The following AQR variants were observed in gnomAD, a reference collection of about 807,000 sequenced individuals.
AQR encodes aquarius intron-binding spliceosomal factor, also known as RNA helicase aquarius.
In AQR, 61 loss-of-function variants were observed where a neutral mutation model predicts 180.5. The ratio of observed to expected loss-of-function variants is 0.34; its 90% confidence interval spans 0.28 to 0.42. The LOEUF (loss-of-function observed/expected upper bound fraction) is 0.42, where lower values mean the gene tolerates loss of function less well. AQR is among the 10% of genes least tolerant of loss of function. The pLI is 1.00. For missense variants in AQR, 1,281 were observed against 1,798.3 expected (o/e 0.71, Z 5.20); for synonymous variants, 551 against 588.8 (o/e 0.94, Z 0.93).
chr15:34,908,822 C>T (rs1425922340), intron 17 of AQR, among the ~76,000 whole-genome samples: 1 of 152,182 alleles, frequency 6.6e-6, no homozygotes, highest in African/African-American at 2.4e-5. Flanking sequence ...AAACAAAATT[C>T]CAACTATCTA....
intron 1 of AQR, 104 bp from the exon 2 acceptor site, chr15:34,964,394 G>A (rs1451352863): frequency 6.6e-6 from 6 of 915,858 alleles, no homozygotes; most frequent in Non-Finnish European, 1.1e-5. Context: ...GGCCCTACTC[G>A]GCACTGGGGG....
In AQR at chr15:34,856,774, A is replaced by T. The variant is rs531639549; in HGVS notation, c.*18T>A. The T allele has an allele frequency of 1.9e-5, 28 of 1,493,846 alleles. No homozygotes were observed. In the Admixed American group the frequency reaches 5.2e-4, roughly 28 times the overall value. 92.5% of individuals were successfully genotyped at this position (1,493,846 alleles called of 1,614,324 possible). A position where few individuals can be genotyped will look rare whatever the true frequency, so the allele number is the denominator to read the frequency against. On this transcript the variant is annotated 3_prime_UTR_variant, in exon 35 of 35. Transcript: ENST00000156471. Reference sequence around the variant, plus strand: ...CTTTTTGACTGCCATGTCCTCCTTTAGAAGGACTACAGTTTGGCTACTTGG... The same window carrying T: ...CTTTTTGACTGCCATGTCCTCCTTTTGAAGGACTACAGTTTGGCTACTTGG...
At chr15:34,960,438 TTAA>T (rs879367448) in intron 3 of AQR, among the ~76,000 whole-genome samples, 8 of 152,198 alleles carry the variant, frequency 5.3e-5, no homozygotes, top group Admixed American at 2.0e-4. Flanking sequence ...TATTGTAAAT[TTAA>T]TAATGTCTTA....
rs564000460 is a variant in AQR at position 34,925,528 on chromosome 15, A to G, written c.1118+1507T>C. Among the ~76,000 whole-genome samples, 6 of 152,324 alleles carry G rather than the reference A, an allele frequency of 3.9e-5. No individual in the cohort carries two copies. In the South Asian group the frequency reaches 1.2e-3, roughly 32 times the overall value. On this transcript the variant is annotated intron_variant, in intron 13 of 34. Transcript: ENST00000156471. ...ATTGCAGAACTGTTTGTAAAAGCCA[A>G]AACTTAAAAATTAAAGATTCACCAA... is the stretch of plus-strand genomic sequence containing the variant.
At chr15:34,910,675 A>G (rs1409732449) in intron 16 of AQR, among the ~76,000 whole-genome samples, 1 of 152,190 alleles carries the variant, frequency 6.6e-6, no homozygotes, top group Non-Finnish European at 1.5e-5. Context: ...ACTTAGTTTT[A>G]TTTCAGCTTT....
chr15:34,938,726 A>T lies in AQR; in HGVS notation c.718+11T>A. ...TAATTTCACAAATGCACTGAGTAAA[A>T]AAGAAGATACCAGAAAGTGGGACTG... On this transcript the variant is annotated intron_variant, in intron 9 of 34. Coordinates refer to ENST00000156471, the MANE Select transcript of AQR (RefSeq NM_014691.3). The T allele has an allele frequency of 6.9e-7, 1 of 1,443,612 alleles. No individual in the cohort carries two copies. The highest frequency in any genetic ancestry group is 1.2e-5 in the South Asian group (1 of 84,666). 89.4% of individuals were successfully genotyped at this position (1,443,612 alleles called of 1,614,324 possible). A position where few individuals can be genotyped will look rare whatever the true frequency, so the allele number is the denominator to read the frequency against.
At position 34,906,559 on chromosome 15, in the gene AQR, C is replaced by T. The variant is rs762010505; in HGVS notation, c.1817G>A (p.Arg606His). The T allele has an allele frequency of 6.8e-6, 11 of 1,613,882 alleles. No homozygotes were observed. The highest frequency in any genetic ancestry group is 3.3e-5 in the South Asian group (3 of 91,086). ...EIQGMLDDKGRVIEDGPEPRP... is the reference protein window; with the variant it reads ...EIQGMLDDKGHVIEDGPEPRP... The stretch of plus-strand genomic sequence containing the variant: ...GGTCACCATACCATCTTCAATGACA[C>T]GTCCTTTATCATCCAGCATGCCCTG... Residue 606 changes from arginine to histidine, a missense_variant, in exon 18 of 35, where the codon CGT becomes CAT. Around this residue, in one of 9 missense-constraint regions of AQR, gnomAD observed 200 missense variants for 293.4 expected, o/e 0.68. Coordinates refer to ENST00000156471, the MANE Select transcript of AQR (RefSeq NM_014691.3).
chr15:34,959,774 C>T (rs1032060139), intron 3 of AQR, among the ~76,000 whole-genome samples: 11 of 152,194 alleles, frequency 7.2e-5, no homozygotes, highest in African/African-American at 2.2e-4. Flanking sequence ...TCCACACAAG[C>T]CAAATCTATG....
chr15:34,969,691 A>T lies in AQR; in HGVS notation c.-78T>A. On this transcript the variant is annotated 5_prime_UTR_variant, in exon 1 of 35. Coordinates refer to ENST00000156471, the MANE Select transcript of AQR (RefSeq NM_014691.3). Reference sequence around the variant, plus strand: ...CGGCAACCCTGGTCCACTTCCCTTAAGTTACTGCCGGGGCGCTTAACTCCG... The same window carrying T: ...CGGCAACCCTGGTCCACTTCCCTTATGTTACTGCCGGGGCGCTTAACTCCG... The T allele has an allele frequency of 6.9e-7, 1 of 1,453,158 alleles. No homozygotes were observed. Among genetic ancestry groups the T allele is most frequent in the Non-Finnish European group, 9.3e-7 (1 of 1,075,350 alleles). The allele number at this position is 1,453,158 out of a possible 1,614,324, so 90.0% of individuals were successfully genotyped here.
At chr15:34,867,906 T>C (rs1006565166) in intron 31 of AQR, 4 of 249,244 alleles carry the variant, frequency 1.6e-5, no homozygotes, top group Non-Finnish European at 3.0e-5. Flanking sequence ...CAAAACTTCA[T>C]GAAAGCAGAG....
intron 8 of AQR, among the ~76,000 whole-genome samples, chr15:34,939,230 G>A (rs1334504689): frequency 6.6e-6 from 1 of 152,078 alleles, no homozygotes; most frequent in East Asian, 1.9e-4. Context: ...CACCATGCCT[G>A]GCTAATTTTT....
chr15:34,942,995 AT>A, intron 6 of AQR: 1 of 1,422,842 alleles, frequency 7.0e-7, no homozygotes, highest in Non-Finnish European at 9.6e-7. Context: ...TGATAAAAAA[AT>A]CACATCTATT....
At chr15:34,865,454 A>AG (rs1244245919) in intron 32 of AQR, among the ~76,000 whole-genome samples, 1 of 152,148 alleles carries the variant, frequency 6.6e-6, no homozygotes, top group Non-Finnish European at 1.5e-5. Flanking sequence ...GCTGAAAAAA[A>AG]GGTGTGAGCA....
At chr15:34,925,444 C>T (rs954225652) in intron 13 of AQR, among the ~76,000 whole-genome samples, 4 of 152,178 alleles carry the variant, frequency 2.6e-5, no homozygotes, top group South Asian at 2.1e-4. Flanking sequence ...AAGTTTTAAA[C>T]GCATGCCCCG....
At position 34,934,755 on chromosome 15, in the gene AQR, A is replaced by G. The variant is rs1262262302; in HGVS notation, c.719-120T>C. The G allele has an allele frequency of 9.0e-6, 5 of 554,396 alleles. No homozygotes were observed. The East Asian group carries it at 1.7e-4, about 19-fold the overall frequency. The allele number at this position is 554,396 out of a possible 1,614,324, so 34.3% of individuals were successfully genotyped here. On this transcript the variant is annotated intron_variant, in intron 9 of 34. Coordinates refer to ENST00000156471, the MANE Select transcript of AQR (RefSeq NM_014691.3). ...AGTCAATTGTCTTTTATTCATCAGA[A>G]TTGGACTATGATTTAGAATGAGGAT...
chr15:34,866,224 C>A (rs1437253834), intron 32 of AQR, among the ~76,000 whole-genome samples: 1 of 152,076 alleles, frequency 6.6e-6, no homozygotes, highest in Non-Finnish European at 1.5e-5. Flanking sequence ...AGCTAAGATA[C>A]CTAGGCTAAG....
chr15:34,907,958 T>C (rs1247900568), intron 17 of AQR, among the ~76,000 whole-genome samples: 1 of 152,176 alleles, frequency 6.6e-6, no homozygotes, highest in Non-Finnish European at 1.5e-5. Flanking sequence ...TATGTCTCTC[T>C]CCTTGCAACC....
intron 34 of AQR, among the ~76,000 whole-genome samples, chr15:34,859,810 T>C (rs1828057778): frequency 1.3e-5 from 2 of 152,148 alleles, no homozygotes; most frequent in African/African-American, 2.4e-5. Context: ...CACAGGTAAA[T>C]ACCTATGCCA....
chr15:34,862,428 C>T (rs988046145), intron 33 of AQR, among the ~76,000 whole-genome samples: 1 of 152,016 alleles, frequency 6.6e-6, no homozygotes, highest in Non-Finnish European at 1.5e-5. Context: ...ATTTGTAAAA[C>T]GGGGTTAATA....
Sources: gnomAD v4.1 joint callset for allele counts (sites outside exome capture counted in the v4.1 genomes callset) on GRCh38, gnomAD v4.1.1 for gene constraint, gnomAD v4.1.1 regional missense constraint, MANE v1.5 for transcripts, NCBI Gene and HGNC (gene_info 2026-07-23, HGNC 2026-07-21) for gene names.